IL1RAPL2: variants seen among roughly 807,000 people sequenced by gnomAD.
IL1RAPL2 encodes the protein interleukin 1 receptor accessory protein like 2.
Under a neutral mutation model 44.1 loss-of-function variants are expected in IL1RAPL2, and 3 were observed. The ratio of observed to expected loss-of-function variants is 0.07; its 90% CI spans 0.03 to 0.18. IL1RAPL2 has a LOEUF of 0.18. IL1RAPL2 is among the 10% of genes least tolerant of loss of function. The pLI is 1.00. For synonymous variants in IL1RAPL2, 181 were observed against 178.8 expected, an observed-to-expected ratio of 1.01 and a Z score of -0.10; for missense variants, 391 against 496.4, an observed-to-expected ratio of 0.79 and a Z score of 2.02.
intron 2 of IL1RAPL2, among the ~76,000 whole-genome samples, chrX:105,133,837 A>G (rs753047271): frequency 9.0e-6 from 1 of 110,684 alleles, no homozygotes; most frequent in African/African-American, 3.3e-5. Context: ...CTCATGACCT[A>G]ATCACCTCCC....
intron 2 of IL1RAPL2, among the ~76,000 whole-genome samples, chrX:104,713,071 T>C (rs576562772): frequency 1.8e-5 from 2 of 111,215 alleles, no homozygotes; most frequent in South Asian, 7.5e-4. Context: ...TGTCCTACTT[T>C]CCTACAGAAT....
chrX:105,676,439 G>T (rs1043261837), intron 6 of IL1RAPL2, among the ~76,000 whole-genome samples: 4 of 111,707 alleles, frequency 3.6e-5, no homozygotes, highest in African/African-American at 1.3e-4. Context: ...GGACTGAGCT[G>T]ATTATGAAGA....
intron 5 of IL1RAPL2, among the ~76,000 whole-genome samples, chrX:105,378,607 A>G (rs777123972): frequency 2.9e-4 from 32 of 111,966 alleles, no homozygotes; most frequent in South Asian, 7.4e-4. Context: ...CAGCTTTCAT[A>G]GAGTACATGC....
intron 2 of IL1RAPL2, among the ~76,000 whole-genome samples, chrX:104,885,751 G>A (rs1295864355): frequency 8.9e-6 from 1 of 112,368 alleles, no homozygotes; most frequent in Non-Finnish European, 1.9e-5. Context: ...AAATGGAGCA[G>A]GCCAATCACC....
At chrX:105,025,933 A>C (rs777164250) in intron 2 of IL1RAPL2, among the ~76,000 whole-genome samples, 1 of 111,452 alleles carries the variant, frequency 9.0e-6, no homozygotes, top group East Asian at 2.8e-4. Context: ...GGCCCTGAGC[A>C]TAGGGTAGAG....
chrX:105,622,041 T>A (rs1031806753), intron 6 of IL1RAPL2, among the ~76,000 whole-genome samples: 7 of 110,306 alleles, frequency 6.3e-5, no homozygotes, highest in Non-Finnish European at 1.3e-4. Flanking sequence ...CACTATCAAG[T>A]AAATTGAAAT....
Position 105,720,892 on chromosome X carries a change from A to G in IL1RAPL2, c.902+3396A>G, listed in dbSNP as rs210440. Among the ~76,000 whole-genome samples the G allele has an allele frequency of 7.0e-3, 764 of 109,418 alleles. 8 individuals carry two copies. In the South Asian group the frequency reaches 0.075, roughly 11 times the overall value. On this transcript the variant is annotated intron_variant, in intron 7 of 10. Coordinates refer to ENST00000372582, the MANE Select transcript of IL1RAPL2 (RefSeq NM_017416.2). ...ATATACCCCATACCCCGTTTCCCCAATTATCGACATCTTAGGTTCTTATGG... is the reference window on the plus strand; with the variant it reads ...ATATACCCCATACCCCGTTTCCCCAGTTATCGACATCTTAGGTTCTTATGG...
chrX:105,097,282 G>T (rs747460583), intron 2 of IL1RAPL2, among the ~76,000 whole-genome samples: 1 of 92,441 alleles, frequency 1.1e-5, no homozygotes, highest in Non-Finnish European at 2.0e-5. Flanking sequence ...AGCCGACATC[G>T]CACCACTGCA....
chrX:105,293,368 T>C (rs1003258332), intron 5 of IL1RAPL2, among the ~76,000 whole-genome samples: 2 of 111,908 alleles, frequency 1.8e-5, no homozygotes, highest in Non-Finnish European at 3.8e-5. Flanking sequence ...TGTGACTGCA[T>C]AGTATCCCAT....
At chrX:105,685,181 G>A (rs773033149) in intron 6 of IL1RAPL2, among the ~76,000 whole-genome samples, 1 of 112,037 alleles carries the variant, frequency 8.9e-6, no homozygotes, top group East Asian at 2.8e-4. Context: ...ACCAGCAACA[G>A]AACAAAGCTG....
intron 2 of IL1RAPL2, among the ~76,000 whole-genome samples, chrX:104,720,958 G>A (rs762587619): frequency 9.0e-6 from 1 of 111,384 alleles, no homozygotes; most frequent in Non-Finnish European, 1.9e-5. Context: ...TTAGAGAAGA[G>A]CAAATCAAAA....
At position 105,152,544 on chromosome X, in the gene IL1RAPL2, TTACA is replaced by T. The variant is rs1233947591; in HGVS notation, c.83-42929_83-42926del. 3.2e-3 allele frequency among the ~76,000 whole-genome samples: 355 copies of T among 111,310 alleles called. 1 individual carries two copies. Among genetic ancestry groups the T allele is most frequent in the Middle Eastern group, 0.028 (6 of 217 alleles). On this transcript the variant is annotated intron_variant, in intron 2 of 10. Transcript: ENST00000372582. Reference sequence around the variant, plus strand: ...AATCTTCTGACTATCCATATGTAGTTTACATGGGCCTTATTCAAAATCACTTAAA... The same window carrying T: ...AATCTTCTGACTATCCATATGTAGTTTGGGCCTTATTCAAAATCACTTAAA...
rs767344848 is a variant in IL1RAPL2, at chrX:105,119,459, T to G, written c.83-76016T>G. Among the ~76,000 whole-genome samples, 3 of 111,342 alleles carry G rather than the reference T, an allele frequency of 2.7e-5. No homozygotes were observed. In the South Asian group the frequency reaches 1.1e-3, roughly 42 times the overall value. On this transcript the variant is annotated intron_variant, in intron 2 of 10. Transcript: ENST00000372582. ...TGCTTCTTTCTGCACAGCGGCTCGATCCTGCATTCTACAAAATGGCTTCCT... is the reference window on the plus strand; with the variant it reads ...TGCTTCTTTCTGCACAGCGGCTCGAGCCTGCATTCTACAAAATGGCTTCCT...
At chrX:105,389,870 T>C (rs1042038773) in intron 5 of IL1RAPL2, among the ~76,000 whole-genome samples, 1 of 111,061 alleles carries the variant, frequency 9.0e-6, no homozygotes, top group African/African-American at 3.3e-5. Context: ...TTACATGGTC[T>C]GTCACTTTGG....
intron 2 of IL1RAPL2, among the ~76,000 whole-genome samples, chrX:105,167,116 A>C (rs1056857451): frequency 2.0e-4 from 22 of 112,213 alleles, no homozygotes; most frequent in Non-Finnish European, 2.8e-4. Context: ...AACTTCTCTC[A>C]TCTCTTATCT....
chrX:104,962,724 C>T (rs2030032703), intron 2 of IL1RAPL2, among the ~76,000 whole-genome samples: 1 of 111,748 alleles, frequency 8.9e-6, no homozygotes, highest in Non-Finnish European at 1.9e-5. Context: ...TTGGAAGGTG[C>T]CTTTAAAAAA....
intron 6 of IL1RAPL2, among the ~76,000 whole-genome samples, chrX:105,602,208 C>A (rs956917897): frequency 3.6e-5 from 4 of 110,635 alleles, no homozygotes; most frequent in South Asian, 3.9e-4. Flanking sequence ...CCACTACTGG[C>A]AACCCCACCC....
At chrX:104,686,184 C>T (rs1346607358) in intron 2 of IL1RAPL2, among the ~76,000 whole-genome samples, 1 of 111,086 alleles carries the variant, frequency 9.0e-6, no homozygotes, top group Admixed American at 9.6e-5. Flanking sequence ...AAGGGTACCA[C>T]CAGACAGTAG....
At chrX:104,896,859 C>A (rs1308234176) in intron 2 of IL1RAPL2, among the ~76,000 whole-genome samples, 1 of 111,330 alleles carries the variant, frequency 9.0e-6, no homozygotes, top group Non-Finnish European at 1.9e-5. Flanking sequence ...GTCAGTGAGA[C>A]CACAAACCCA....
Sources: allele counts gnomAD v4.1 joint callset (sites outside exome capture counted in the v4.1 genomes callset), GRCh38; gene constraint gnomAD v4.1.1; transcripts MANE v1.5; gene names NCBI Gene and HGNC (gene_info 2026-07-23, HGNC 2026-07-21).